ZNF711: variants seen among roughly 807,000 people sequenced by gnomAD.
The protein encoded by ZNF711 is ZFX family zinc finger ZNF711.
ZNF711 carries 3 observed loss-of-function variants against 43.5 expected under a neutral mutation model. That is an observed-to-expected ratio of 0.07 (90% CI 0.03 to 0.18). The LOEUF (loss-of-function observed/expected upper bound fraction) is 0.18, where lower values mean the gene tolerates loss of function less well. ZNF711 is among the 10% of genes least tolerant of loss of function. The pLI, the probability that ZNF711 is intolerant of heterozygous loss-of-function variation, is 1.00. For synonymous variants in ZNF711, 209 were observed against 207.7 expected, an observed-to-expected ratio of 1.01 and a Z score of -0.06; for missense variants, 412 against 604.0, an observed-to-expected ratio of 0.68 and a Z score of 3.33.
intron 7 of ZNF711, among the ~76,000 whole-genome samples, chrX:85,266,650 C>G (rs1023559101): frequency 1.8e-5 from 2 of 109,199 alleles, no homozygotes; most frequent in African/African-American, 6.6e-5. Flanking sequence ...TTGTGGCTCT[C>G]TAGGTTTAAA....
At chrX:85,265,064 T>C in intron 6 of ZNF711, 54 bp from the exon 7 acceptor site, 3 of 1,051,416 alleles carry the variant, frequency 2.9e-6, no homozygotes, top group Non-Finnish European at 4.0e-6. Flanking sequence ...CTTATTAATT[T>C]AGGTGGTTAT....
chrX:85,251,122 A>G (rs1347026760), intron 4 of ZNF711, among the ~76,000 whole-genome samples: 2 of 111,689 alleles, frequency 1.8e-5, no homozygotes, highest in Non-Finnish European at 3.8e-5. Flanking sequence ...AGCCCCATAA[A>G]TTATTGACAT....
chrX:85,251,489 A>G (rs1461080202), intron 4 of ZNF711, among the ~76,000 whole-genome samples: 1 of 111,478 alleles, frequency 9.0e-6, no homozygotes, highest in Non-Finnish European at 1.9e-5. Context: ...AACAGATTTT[A>G]TGCTGTCATT....
intron 8 of ZNF711, among the ~76,000 whole-genome samples, chrX:85,267,952 A>G (rs1040471279): frequency 6.3e-5 from 7 of 111,596 alleles, no homozygotes; most frequent in Non-Finnish European, 1.1e-4. Flanking sequence ...GTTCAAATGC[A>G]TTAATTTATC....
intron 7 of ZNF711, among the ~76,000 whole-genome samples, chrX:85,266,319 A>G (rs752218763): frequency 1.8e-5 from 2 of 111,478 alleles, no homozygotes; most frequent in African/African-American, 6.5e-5. Context: ...TAATCAAATA[A>G]TTTCTATTTG....
chrX:85,254,285 C>T (rs1009556426), intron 4 of ZNF711, among the ~76,000 whole-genome samples: 60 of 103,316 alleles, frequency 5.8e-4, no homozygotes, highest in African/African-American at 2.1e-3. Context: ...CTGGCGAACA[C>T]GGTGAAACCC....
intron 7 of ZNF711, among the ~76,000 whole-genome samples, chrX:85,265,509 CAGCTCCTGACATCAGTGA>C (rs941662890): frequency 9.0e-6 from 1 of 110,854 alleles, no homozygotes; most frequent in African/African-American, 3.3e-5. Flanking sequence ...GAACAACATA[CAGCTCCTGACATCAGTGA>C]AGCTCAAAAA....
At chrX:85,251,810 T>A (rs938333090) in intron 4 of ZNF711, among the ~76,000 whole-genome samples, 2 of 109,980 alleles carry the variant, frequency 1.8e-5, no homozygotes, top group Non-Finnish European at 3.8e-5. Flanking sequence ...AAACAGTATC[T>A]AGGGTAAATA....
In ZNF711 at chrX:85,268,289, T is replaced by C. The variant is rs1335038907; in HGVS notation, c.1055-5T>C. The C allele has an allele frequency of 8.6e-7, 1 of 1,166,671 alleles. No homozygotes were observed. The highest frequency in any genetic ancestry group is 1.1e-6 in the Non-Finnish European group (1 of 874,254). Reference sequence around the variant, plus strand: ...TGGTCTTTTTTTTTTTTTTTTTTTTTTTAGGAGATGAAAGAAGAGTTTCCC... The same window carrying C: ...TGGTCTTTTTTTTTTTTTTTTTTTTCTTAGGAGATGAAAGAAGAGTTTCCC... On this transcript the variant is annotated splice_region_variant and splice_polypyrimidine_tract_variant and intron_variant, in intron 8 of 10. Coordinates refer to ENST00000674551, the MANE Select transcript of ZNF711 (RefSeq NM_001330574.2).
chrX:85,259,876 A>C (rs1211205136), intron 5 of ZNF711, among the ~76,000 whole-genome samples: 1 of 111,122 alleles, frequency 9.0e-6, no homozygotes, highest in Non-Finnish European at 1.9e-5. Context: ...GATGTCTTTT[A>C]TTTCTTTCTC....
At chrX:85,256,456 A>G (rs186030349) in intron 5 of ZNF711, among the ~76,000 whole-genome samples, 27 of 112,121 alleles carry the variant, frequency 2.4e-4, no homozygotes, top group Admixed American at 1.7e-3. Flanking sequence ...CAACAAAAAT[A>G]AAAAATATCT....
Position 85,271,112 on chromosome X carries a change from A to G in ZNF711, c.1708A>G (p.Met570Val). The part of the protein sequence containing the change: ...FRHPSELKKH[M>V]RTHTGEKPYQ... ...ACATCCTTCTGAACTCAAGAAACAT[A>G]TGAGAACCCATACTGGTGAGAAGCC... Residue 570 changes from methionine (M) to valine (V), a missense_variant, in exon 11 of 11, where the codon ATG becomes GTG. Met to Val is a conservative substitution (Grantham distance 21, BLOSUM62 1). Transcript: ENST00000674551. The G allele has an allele frequency of 8.3e-7, 1 of 1,210,898 alleles. No individual in the cohort carries two copies. The highest frequency in any genetic ancestry group is 1.8e-5 in the South Asian group (1 of 56,935).
At chrX:85,256,408 T>C (rs958087024) in intron 5 of ZNF711, among the ~76,000 whole-genome samples, 8 of 111,871 alleles carry the variant, frequency 7.2e-5, no homozygotes, top group Non-Finnish European at 1.3e-4. Context: ...GATAGAAATA[T>C]TTTGTTCTCA....
At position 85,271,119 on chromosome X, in the gene ZNF711, C is replaced by T. The variant is rs746298688; in HGVS notation, c.1715C>T (p.Thr572Ile). The change falls in exon 11 of 11, where the codon ACC becomes ATC. Residue 572 changes from threonine (T) to isoleucine (I), a missense_variant. Thr to Ile is a moderately conservative substitution (Grantham distance 89). Around this residue, in one of 4 missense-constraint regions of ZNF711, gnomAD observed 375 missense variants for 514.2 expected, o/e 0.73. Transcript: ENST00000674551. ...TCTGAACTCAAGAAACATATGAGAA[C>T]CCATACTGGTGAGAAGCCATATCAG... ...HPSELKKHMRTHTGEKPYQCQ... is the reference protein window; with the variant it reads ...HPSELKKHMRIHTGEKPYQCQ... The T allele has an allele frequency of 3.3e-6, 4 of 1,210,592 alleles. No homozygotes were observed. In the Admixed American group the frequency reaches 8.7e-5, roughly 26 times the overall value.
At chrX:85,245,364 C>T (rs2147780723) in intron 1 of ZNF711, among the ~76,000 whole-genome samples, 1 of 112,354 alleles carries the variant, frequency 8.9e-6, no homozygotes, top group East Asian at 2.8e-4. Context: ...TAGAGAAGAC[C>T]AAGAAGCCTA....
At chrX:85,268,214 T>G in intron 8 of ZNF711, 80 bp from the exon 9 acceptor site, 1 of 1,085,176 alleles carries the variant, frequency 9.2e-7, no homozygotes, top group Non-Finnish European at 1.2e-6. Flanking sequence ...TTTTGTAGAT[T>G]AAGATGTGAT....
intron 4 of ZNF711, among the ~76,000 whole-genome samples, chrX:85,248,357 T>A (rs1371862317): frequency 9.5e-6 from 1 of 105,695 alleles, no homozygotes; most frequent in African/African-American, 3.5e-5. Context: ...TAGTCCCAGC[T>A]ACTCAGGAGG....
At chrX:85,251,855 G>A (rs1172993787) in intron 4 of ZNF711, among the ~76,000 whole-genome samples, 2 of 110,189 alleles carry the variant, frequency 1.8e-5, no homozygotes, top group East Asian at 2.9e-4. Flanking sequence ...TAGAAAAAAG[G>A]CAGTCTGGAG....
At chrX:85,257,315 C>G (rs2147826937) in intron 5 of ZNF711, among the ~76,000 whole-genome samples, 1 of 110,728 alleles carries the variant, frequency 9.0e-6, no homozygotes, top group East Asian at 2.9e-4. Flanking sequence ...GGTCCTCGCC[C>G]CACTCCCTCC....
Sources: allele counts gnomAD v4.1 joint callset (sites outside exome capture counted in the v4.1 genomes callset), GRCh38; gene constraint gnomAD v4.1.1; regional missense constraint gnomAD v4.1.1; transcripts MANE v1.5; gene names NCBI Gene and HGNC (gene_info 2026-07-23, HGNC 2026-07-21).